PHF24: variants seen among roughly 807,000 people sequenced by gnomAD.
PHF24 encodes the protein PHD finger protein 24.
In PHF24, 25 loss-of-function variants were observed where a neutral mutation model predicts 42.6. That is an observed-to-expected ratio of 0.59 (90% CI 0.43 to 0.82). PHF24 has a LOEUF of 0.82. PHF24 is among the 40% of genes least tolerant of loss of function. The probability of loss-of-function intolerance (pLI) is 0.00; values close to 1 mark genes in which losing one functional copy is unlikely to be tolerated. For missense variants in PHF24, 470 were observed against 538.1 expected (o/e 0.87, Z 1.25); for synonymous variants, 185 against 204.8 (o/e 0.90, Z 0.83).
At chr9:34,785,915 G>T in the PHF24 span, among the ~76,000 whole-genome samples, 5 of 152,180 alleles carry the variant, frequency 3.3e-5, no homozygotes, top group Non-Finnish European at 7.3e-5. Flanking sequence ...ACATAATTGT[G>T]TATGAGATAT....
chr9:34,978,679 G>T (rs1441385888), exon 8 of PHF24: 1 of 153,080 alleles, frequency 6.5e-6, no homozygotes, highest in Admixed American at 6.5e-5. Flanking sequence ...TTACTAGTAG[G>T]TGTGCATTAT....
At chr9:34,980,921 A>G (rs1023469428) in exon 8 of PHF24, 1 of 152,280 alleles carries the variant, frequency 6.6e-6, no homozygotes, top group African/African-American at 2.4e-5. Flanking sequence ...TCAGATGTGA[A>G]TGAAGGGGCA....
At chr9:34,926,942 C>G in the PHF24 span, among the ~76,000 whole-genome samples, 1 of 151,948 alleles carries the variant, frequency 6.6e-6, no homozygotes, top group Non-Finnish European at 1.5e-5. The surrounding 1 kb of genome is among the most constrained non-coding windows in gnomAD (Gnocchi z 4.3). Context: ...AGGAGTATTT[C>G]CCAGGTCTTT....
the PHF24 span, among the ~76,000 whole-genome samples, chr9:34,759,614 C>A: frequency 6.6e-6 from 1 of 152,170 alleles, no homozygotes; most frequent in Non-Finnish European, 1.5e-5. Context: ...ACAGCTCCGG[C>A]TCCCTGCAGC....
chr9:34,976,268 G>A lies in PHF24; in HGVS notation c.643+38G>A, dbSNP rs181763935. The A allele has an allele frequency of 7.8e-3, 11,973 of 1,529,604 alleles. 78 individuals are homozygous for A. The highest frequency in any genetic ancestry group is 8.8e-3 in the Non-Finnish European group (9,727 of 1,103,452). The allele number at this position is 1,529,604 out of a possible 1,614,324, so 94.8% of individuals were successfully genotyped here. On this transcript the variant is annotated intron_variant, in intron 4 of 7. Coordinates refer to ENST00000242315, the Ensembl canonical transcript of PHF24. ...GGTGCTGCATGGATGGAGAGGGGCC[G>A]GGCAGATTTCTCCTTCAGGCTTTCT...
the PHF24 span, among the ~76,000 whole-genome samples, chr9:34,754,589 C>G: frequency 1.3e-5 from 2 of 151,996 alleles, no homozygotes; most frequent in African/African-American, 2.4e-5. Context: ...AAAAAGGAAC[C>G]CTTGTACACT....
At chr9:34,838,530 C>T in the PHF24 span, 1 of 1,293,232 alleles carries the variant, frequency 7.7e-7, no homozygotes, top group Non-Finnish European at 1.1e-6. Flanking sequence ...AGCCATCCCT[C>T]TATCTCGGCA....
the PHF24 span, among the ~76,000 whole-genome samples, chr9:34,825,353 G>A: frequency 4.0e-5 from 6 of 150,598 alleles, no homozygotes; most frequent in African/African-American, 1.5e-4. Flanking sequence ...AGGTATGCAT[G>A]TGAAACCAAA....
At chr9:34,902,332 C>A in the PHF24 span, among the ~76,000 whole-genome samples, 1 of 152,112 alleles carries the variant, frequency 6.6e-6, no homozygotes, top group Non-Finnish European at 1.5e-5. Flanking sequence ...CTCAATAATG[C>A]ATCTAAAAGA....
the PHF24 span, chr9:34,690,424 CTGTGTGTGTGTG>C: frequency 8.5e-4 from 516 of 608,174 alleles, no homozygotes; most frequent in Admixed American, 2.1e-3. Context: ...TTGAGGACAC[CTGTGTGTGTGTG>C]TGTGTGTGTG....
the PHF24 span, among the ~76,000 whole-genome samples, chr9:34,706,304 G>A: frequency 1.3e-5 from 2 of 152,132 alleles, no homozygotes; most frequent in East Asian, 3.8e-4. Context: ...TGGCAAGAGA[G>A]TTAGATCTTC....
At chr9:34,921,813 C>A in the PHF24 span, among the ~76,000 whole-genome samples, 1 of 152,188 alleles carries the variant, frequency 6.6e-6, no homozygotes, top group South Asian at 2.1e-4. Context: ...AACCAATGAT[C>A]CCTTTTAGTC....
the PHF24 span, among the ~76,000 whole-genome samples, chr9:34,940,483 G>C: frequency 1.3e-5 from 2 of 152,042 alleles, no homozygotes; most frequent in Non-Finnish European, 2.9e-5. Context: ...AGGGTGTGGT[G>C]GCTCACACCT....
At chr9:34,752,857 C>T in the PHF24 span, among the ~76,000 whole-genome samples, 3 of 152,082 alleles carry the variant, frequency 2.0e-5, no homozygotes, top group East Asian at 3.8e-4. Context: ...TAGAATTTAT[C>T]CCAGGGATAC....
the PHF24 span, chr9:34,836,033 C>G: frequency 4.7e-6 from 3 of 633,508 alleles, no homozygotes; most frequent in African/African-American, 1.8e-5. Flanking sequence ...ACACTTCCCT[C>G]TGGGGGAAGC....
At chr9:34,842,860 T>C in the PHF24 span, among the ~76,000 whole-genome samples, 1 of 152,240 alleles carries the variant, frequency 6.6e-6, no homozygotes, top group Non-Finnish European at 1.5e-5. Flanking sequence ...TGAGAGTTTG[T>C]TTTCCTGTAT....
At chr9:34,723,745 A>G in the PHF24 span, 3 of 1,551,754 alleles carry the variant, frequency 1.9e-6, no homozygotes, top group Non-Finnish European at 2.6e-6. Context: ...GACCCTGTGA[A>G]GCCTGGGGCA....
At chr9:34,943,921 C>G in the PHF24 span, among the ~76,000 whole-genome samples, 1 of 152,246 alleles carries the variant, frequency 6.6e-6, no homozygotes, top group African/African-American at 2.4e-5. Flanking sequence ...GGTGCTAGTG[C>G]TGCTTTCAGC....
chr9:34,728,182 C>A, the PHF24 span: 120 of 1,102,500 alleles, frequency 1.1e-4, no homozygotes, highest in African/African-American at 1.6e-3. Flanking sequence ...CAAGAAAAGA[C>A]TACAATCCTG....
Sources: allele counts gnomAD v4.1 joint callset (sites outside exome capture counted in the v4.1 genomes callset), GRCh38; gene constraint gnomAD v4.1.1; non-coding constraint Gnocchi (gnomAD v3.1); transcripts MANE v1.5; gene names NCBI Gene and HGNC (gene_info 2026-07-23, HGNC 2026-07-21).